Variants in QTMAN observed in about 807,000 individuals in gnomAD.
QTMAN encodes tRNA-queuosine alpha-mannosyltransferase.
chr2:144,294,132 C>A, the QTMAN span, among the ~76,000 whole-genome samples: 1 of 150,658 alleles, frequency 6.6e-6, no homozygotes, highest in East Asian at 2.0e-4. Context: ...GGGTAAAATG[C>A]CCTCCCTGCG....
At chr2:143,960,731 C>T in the QTMAN span, among the ~76,000 whole-genome samples, 8,689 of 151,540 alleles carry the variant, frequency 0.057, 324 homozygotes, top group East Asian at 0.16. Context: ...GACATCAGAA[C>T]GGTGAGGAAT....
At chr2:144,332,538 T>TGCC in the QTMAN span, 8 of 147,872 alleles carry the variant, frequency 5.4e-5, no homozygotes, top group East Asian at 1.6e-3. Flanking sequence ...CCGCCGCGGA[T>TGCC]GCCGCCGCCC....
At chr2:144,277,913 A>T in the QTMAN span, among the ~76,000 whole-genome samples, 1 of 152,180 alleles carries the variant, frequency 6.6e-6, no homozygotes, top group Non-Finnish European at 1.5e-5. Flanking sequence ...TACTTTTGCT[A>T]GACCTCCTTG....
At chr2:144,161,775 T>C in the QTMAN span, among the ~76,000 whole-genome samples, 3 of 152,176 alleles carry the variant, frequency 2.0e-5, no homozygotes, top group South Asian at 2.1e-4. Context: ...TGAAGAAATA[T>C]GTAAAGAAAA....
the QTMAN span, among the ~76,000 whole-genome samples, chr2:144,091,998 A>G: frequency 1.3e-5 from 2 of 152,188 alleles, no homozygotes. Flanking sequence ...TAGTGACAGA[A>G]AGCTTATCAG....
chr2:144,317,681 C>T, the QTMAN span: 1 of 152,120 alleles, frequency 6.6e-6, no homozygotes, highest in Admixed American at 6.5e-5. Context: ...ACTCATCAGA[C>T]AAGGGAGTGG....
the QTMAN span, among the ~76,000 whole-genome samples, chr2:144,055,409 GT>G: frequency 3.4e-4 from 49 of 143,298 alleles, no homozygotes; most frequent in Middle Eastern, 3.7e-3. Flanking sequence ...TTCAAGTGGA[GT>G]TTTTTTTTTT....
the QTMAN span, among the ~76,000 whole-genome samples, chr2:144,122,722 C>T: frequency 2.0e-5 from 3 of 152,162 alleles, no homozygotes; most frequent in Non-Finnish European, 4.4e-5. Context: ...AAATACTTTA[C>T]TAAGTATTCA....
the QTMAN span, among the ~76,000 whole-genome samples, chr2:143,962,286 A>G: frequency 6.6e-6 from 1 of 152,232 alleles, no homozygotes; most frequent in Admixed American, 6.5e-5. Flanking sequence ...AGGTGGAGAA[A>G]GGGTTTGACT....
the QTMAN span, among the ~76,000 whole-genome samples, chr2:144,106,704 G>A: frequency 6.6e-6 from 1 of 152,264 alleles, no homozygotes; most frequent in South Asian, 2.1e-4. Flanking sequence ...CAACGAGACA[G>A]AAAGTTAACA....
the QTMAN span, among the ~76,000 whole-genome samples, chr2:144,325,545 G>T: frequency 6.6e-6 from 1 of 151,748 alleles, no homozygotes; most frequent in Admixed American, 6.6e-5. Context: ...TTGAGGTCAT[G>T]TACCTTGACA....
chr2:144,124,826 G>C, the QTMAN span, among the ~76,000 whole-genome samples: 226 of 152,110 alleles, frequency 1.5e-3, no homozygotes, highest in Non-Finnish European at 2.2e-3. Flanking sequence ...AGACATTTTT[G>C]CATTGAAATT....
At chr2:144,287,023 T>C in the QTMAN span, among the ~76,000 whole-genome samples, 1 of 152,228 alleles carries the variant, frequency 6.6e-6, no homozygotes, top group Non-Finnish European at 1.5e-5. Flanking sequence ...CCAACTTAAA[T>C]GCAAATAGAA....
the QTMAN span, among the ~76,000 whole-genome samples, chr2:143,957,712 C>CAA: frequency 6.6e-6 from 1 of 152,044 alleles, no homozygotes; most frequent in Non-Finnish European, 1.5e-5. Flanking sequence ...CACATCACAC[C>CAA]AAAAATGGCA....
the QTMAN span, among the ~76,000 whole-genome samples, chr2:144,245,823 ATAAT>A: frequency 1.3e-5 from 2 of 152,250 alleles, no homozygotes; most frequent in African/African-American, 4.8e-5. Flanking sequence ...AAAATTAAAA[ATAAT>A]TAGACTCATG....
chr2:144,157,504 C>T, the QTMAN span, among the ~76,000 whole-genome samples: 1 of 152,058 alleles, frequency 6.6e-6, no homozygotes, highest in Admixed American at 6.6e-5. Flanking sequence ...CCAAGAAATA[C>T]ATAGAATGCC....
At chr2:144,293,241 T>C in the QTMAN span, among the ~76,000 whole-genome samples, 1 of 152,166 alleles carries the variant, frequency 6.6e-6, no homozygotes, top group African/African-American at 2.4e-5. Flanking sequence ...ATGCATGTAG[T>C]ATACAGATAC....
the QTMAN span, among the ~76,000 whole-genome samples, chr2:144,076,807 GT>G: frequency 2.6e-5 from 4 of 152,084 alleles, no homozygotes; most frequent in Non-Finnish European, 5.9e-5. Flanking sequence ...AAGGTAGGAA[GT>G]TTTTTCTTTC....
chr2:144,228,818 C>T, the QTMAN span, among the ~76,000 whole-genome samples: 243 of 152,164 alleles, frequency 1.6e-3, no homozygotes, highest in Non-Finnish European at 2.8e-3. Context: ...ATTAGCCGGG[C>T]GTGATGGCAT....
Sources: gnomAD v4.1 joint callset for allele counts (sites outside exome capture counted in the v4.1 genomes callset) on GRCh38, gnomAD v4.1.1 for gene constraint, MANE v1.5 for transcripts, NCBI Gene and HGNC (gene_info 2026-07-23, HGNC 2026-07-21) for gene names.